CAPN13: variants seen among roughly 807,000 people sequenced by gnomAD.
CAPN13 encodes the protein calpain-13.
CAPN13 carries 90 observed loss-of-function variants against 98.4 expected under a neutral mutation model. That is an observed-to-expected ratio of 0.92 (90% confidence interval 0.77 to 1.09). The LOEUF is 1.09. CAPN13 is among the 50% of genes least tolerant of loss of function. The probability of loss-of-function intolerance (pLI) is 0.00; values close to 1 mark genes in which losing one functional copy is unlikely to be tolerated. For synonymous variants in CAPN13, 330 were observed against 305.5 expected (o/e 1.08, Z -0.84); for missense variants, 887 against 841.3 (o/e 1.05, Z -0.67).
intron 20 of CAPN13, among the ~76,000 whole-genome samples, chr2:30,732,004 CT>C (rs1455187207): frequency 6.6e-6 from 1 of 152,124 alleles, no homozygotes; most frequent in East Asian, 1.9e-4. Flanking sequence ...GGTGATGCTG[CT>C]AAAAAGTGTG....
intron 1 of CAPN13, among the ~76,000 whole-genome samples, chr2:30,802,529 G>A (rs140053462): frequency 1.7e-5 from 2 of 114,320 alleles, no homozygotes; most frequent in Non-Finnish European, 3.5e-5. Flanking sequence ...GAGTGAAGCA[G>A]AGAAAGGCAG....
Position 30,753,058 on chromosome 2 carries a change from G to A in CAPN13, c.1082C>T (p.Thr361Ile), listed in dbSNP as rs1391910216. 8 of 1,613,906 alleles carry A rather than the reference G, an allele frequency of 5.0e-6. No homozygotes were observed. The Admixed American group carries it at 1.2e-4, about 24-fold the overall frequency. ...MFRKQVILGN[T>I]AGGPRNDAQF... Reference sequence around the variant, plus strand: ...ACCACCAGCGTCATGATTACCTGCAGTGTTTCCTAGAATCACTTGCTTCCT... The same window carrying A: ...ACCACCAGCGTCATGATTACCTGCAATGTTTCCTAGAATCACTTGCTTCCT... Residue 361 changes from threonine to isoleucine, a missense_variant, in exon 10 of 23, where the codon ACT becomes ATT. Transcript: ENST00000295055.
chr2:30,745,438 A>G (rs1671858770), intron 12 of CAPN13, among the ~76,000 whole-genome samples: 1 of 152,164 alleles, frequency 6.6e-6, no homozygotes, highest in South Asian at 2.1e-4. Context: ...AAAAGGAACC[A>G]TCTCCATCAA....
intron 5 of CAPN13, among the ~76,000 whole-genome samples, chr2:30,769,759 C>G (rs1332809546): frequency 6.6e-6 from 1 of 152,194 alleles, no homozygotes; most frequent in Non-Finnish European, 1.5e-5. Flanking sequence ...TGAGAATAAG[C>G]ATGTCCTGCC....
chr2:30,735,228 A>G (rs1671301164), intron 18 of CAPN13, among the ~76,000 whole-genome samples: 1 of 152,118 alleles, frequency 6.6e-6, no homozygotes, highest in Non-Finnish European at 1.5e-5. Context: ...TACTTCACAG[A>G]TGAGGACACT....
chr2:30,782,541 A>T (rs1168972275), intron 2 of CAPN13, among the ~76,000 whole-genome samples: 1 of 152,158 alleles, frequency 6.6e-6, no homozygotes, highest in Admixed American at 6.5e-5. Context: ...TTTCCTGAAG[A>T]GCACGTTTTG....
intron 2 of CAPN13, among the ~76,000 whole-genome samples, chr2:30,783,017 C>T (rs1021778222): frequency 7.9e-5 from 12 of 152,206 alleles, no homozygotes; most frequent in African/African-American, 2.7e-4. Context: ...AAGAACATTT[C>T]CATCATCACA....
Position 30,787,161 on chromosome 2 carries a change from T to G in CAPN13, c.165A>C (p.Lys55Asn). 6.3e-7 allele frequency: 1 copy of G among 1,580,294 alleles called. No homozygotes were observed. The highest frequency in any genetic ancestry group is 8.6e-7 in the Non-Finnish European group (1 of 1,162,770). ...SSIGQKLLQE[K>N]RLSNVIWKRP... ...GCTTCCATATCACATTGGAGAGGCGTTTTTCCTGGAGCAGCTTCTGGCCTA... is the reference window on the plus strand; with the variant it reads ...GCTTCCATATCACATTGGAGAGGCGGTTTTCCTGGAGCAGCTTCTGGCCTA... The change falls in exon 2 of 23, where the codon AAA (lysine) becomes AAC (asparagine). Residue 55 changes from lysine to asparagine, a missense_variant. By Grantham distance (94) the Lys-to-Asn change is moderately conservative (BLOSUM62 0). Coordinates refer to ENST00000295055, the MANE Select transcript of CAPN13 (RefSeq NM_144575.3).
At chr2:30,755,866 T>C (rs978536302) in intron 8 of CAPN13, among the ~76,000 whole-genome samples, 3 of 146,206 alleles carry the variant, frequency 2.1e-5, no homozygotes, top group Admixed American at 1.3e-4. Flanking sequence ...ACGCTATTGA[T>C]TCATGCAAGT....
In CAPN13 at chr2:30,753,174, C is replaced by G; in HGVS notation, c.966G>C (p.Gln322His). Residue 322 changes from glutamine (Q) to histidine (H), a missense_variant, in exon 10 of 23, where the codon CAG becomes CAC. By Grantham distance (24) the Gln-to-His change is conservative (BLOSUM62 0). Coordinates refer to ENST00000295055, the MANE Select transcript of CAPN13 (RefSeq NM_144575.3). ...EFWMSCQDFQQKFIAMFICSE... is the reference protein window; with the variant it reads ...EFWMSCQDFQHKFIAMFICSE... ...TACATATAAACATGGCGATGAATTT[C>G]TGTTGGAAATCTTGACACGACATCC... is the stretch of plus-strand genomic sequence containing the variant. 1 of 1,614,016 alleles carries G rather than the reference C, an allele frequency of 6.2e-7. No homozygotes were observed. Among genetic ancestry groups the G allele is most frequent in the Non-Finnish European group, 8.5e-7 (1 of 1,179,876 alleles).
intron 20 of CAPN13, among the ~76,000 whole-genome samples, chr2:30,731,809 A>G (rs1420336291): frequency 6.6e-6 from 1 of 152,186 alleles, no homozygotes; most frequent in Non-Finnish European, 1.5e-5. Flanking sequence ...TTACCCTCCC[A>G]GAGCCTTAGT....
At chr2:30,746,855 T>C (rs562976943) in intron 11 of CAPN13, among the ~76,000 whole-genome samples, 65 of 152,258 alleles carry the variant, frequency 4.3e-4, no homozygotes, top group African/African-American at 1.5e-3. Context: ...AGGAGGTGTC[T>C]GAGAGGAGGA....
At chr2:30,747,766 G>C (rs892284004) in intron 11 of CAPN13, among the ~76,000 whole-genome samples, 3 of 152,196 alleles carry the variant, frequency 2.0e-5, no homozygotes, top group Non-Finnish European at 4.4e-5. Context: ...TTTCTCAGCT[G>C]AACTGTGAAA....
intron 15 of CAPN13, chr2:30,741,381 T>A: frequency 1.0e-6 from 1 of 986,826 alleles, no homozygotes; most frequent in South Asian, 4.7e-5. Context: ...TTATTAACGG[T>A]AAGAGGCTCA....
chr2:30,758,842 TTCCCTTTCTCCCTCCCTCCATCCTTCAG>T (rs2148008884), intron 7 of CAPN13, among the ~76,000 whole-genome samples: 1 of 110,994 alleles, frequency 9.0e-6, no homozygotes, highest in South Asian at 3.5e-4. Flanking sequence ...CCTTCCTTCT[TTCCCTTTCTCCCTCCCTCCATCCTTCAG>T]TCCCTTCCTA....
Position 30,743,430 on chromosome 2 carries a change from T to G in CAPN13, c.1398A>C (p.Ser466=). 1 of 1,614,018 alleles carries G rather than the reference T, an allele frequency of 6.2e-7. No individual in the cohort carries two copies. Among genetic ancestry groups the G allele is most frequent in the Non-Finnish European group, 8.5e-7 (1 of 1,179,884 alleles). The change falls in exon 13 of 23, where the codon TCA becomes TCC. Residue 466 remains serine (S), a synonymous_variant. Coordinates refer to ENST00000295055, the MANE Select transcript of CAPN13 (RefSeq NM_144575.3). ...GGAAGATTCGGAGCAAGAACTCCGC[T>G]GATTTTCTCCGTGTCTGTGCAACCA... ...YVVVAQTRRK[S]AEFLLRIFLK...
At chr2:30,800,659 C>CT (rs1259222381) in intron 1 of CAPN13, among the ~76,000 whole-genome samples, 2 of 152,180 alleles carry the variant, frequency 1.3e-5, no homozygotes, top group African/African-American at 4.8e-5. Flanking sequence ...ACAACAGGTT[C>CT]TTATGTAGCC....
At chr2:30,733,937 C>T (rs574525615) in intron 19 of CAPN13, among the ~76,000 whole-genome samples, 2 of 152,278 alleles carry the variant, frequency 1.3e-5, no homozygotes, top group South Asian at 2.1e-4. Flanking sequence ...AACAGAAGTG[C>T]TTGGTGAACC....
intron 22 of CAPN13, among the ~76,000 whole-genome samples, chr2:30,725,243 TATATTTAAAC>T (rs1241697483): frequency 2.0e-5 from 3 of 151,724 alleles, no homozygotes; most frequent in African/African-American, 4.9e-5. Context: ...GTATGAACTT[TATATTTAAAC>T]ATATTTTAAC....
Sources: gnomAD v4.1 joint callset for allele counts (sites outside exome capture counted in the v4.1 genomes callset) on GRCh38, gnomAD v4.1.1 for gene constraint, MANE v1.5 for transcripts, NCBI Gene and HGNC (gene_info 2026-07-23, HGNC 2026-07-21) for gene names.